The following ECE1 variants were observed in gnomAD, a reference collection of about 807,000 sequenced individuals.
The protein encoded by ECE1 is endothelin converting enzyme 1.
ECE1 carries 35 observed loss-of-function variants against 98.6 expected under a neutral mutation model. That is an observed-to-expected ratio of 0.35 (90% confidence interval 0.27 to 0.47). The LOEUF is 0.47. ECE1 is among the 20% of genes least tolerant of loss of function. ECE1 has a pLI of 1.00. For missense variants in ECE1, 814 were observed against 1,025.3 expected (o/e 0.79, Z 2.81); for synonymous variants, 394 against 407.1 (o/e 0.97, Z 0.39).
Position 21,322,681 on chromosome 1 carries a change from A to G in ECE1, c.3+22695T>C, listed in dbSNP as rs1638990564. Among the ~76,000 whole-genome samples, 1 of 152,176 alleles carries G rather than the reference A, an allele frequency of 6.6e-6. No homozygotes were observed. Among genetic ancestry groups the G allele is most frequent in the African/African-American group, 2.4e-5 (1 of 41,428 alleles). On this transcript the variant is annotated intron_variant, in intron 1 of 18. Coordinates refer to the ECE1 transcript ENST00000415912. The surrounding 1 kb of genome is among the most constrained non-coding windows in gnomAD (Gnocchi z 4.1). ...TAACCACCTAGCTGGGGAAAAGGAC[A>G]AGAAAACCCAGCGATGGAGAGGAGA... is the stretch of plus-strand genomic sequence containing the variant.
At chr1:21,326,147 C>T (rs2103407491) in intron 1 of ECE1, among the ~76,000 whole-genome samples, 1 of 152,218 alleles carries the variant, frequency 6.6e-6, no homozygotes, top group South Asian at 2.1e-4. Context: ...CCCACGTTCT[C>T]AGCCAACAAT....
chr1:21,220,238 G>A lies in ECE1; in HGVS notation c.2137-107C>T, dbSNP rs1456192691. 3.1e-6 allele frequency: 4 copies of A among 1,290,928 alleles called. No homozygotes were observed. Among genetic ancestry groups the A allele is most frequent in the South Asian group, 1.5e-5 (1 of 66,970 alleles). 80.0% of individuals were successfully genotyped at this position (1,290,928 alleles called of 1,614,324 possible). On this transcript the variant is annotated intron_variant, in intron 18 of 18. Transcript: ENST00000374893. The surrounding 1 kb of genome is among the most constrained non-coding windows in gnomAD (Gnocchi z 5.0). ...AGGCCAGGTGCGGTGGCTCACACCTGTAATCCCAGCACTTTGGGAGCCAAG... is the reference window on the plus strand; with the variant it reads ...AGGCCAGGTGCGGTGGCTCACACCTATAATCCCAGCACTTTGGGAGCCAAG...
At chr1:21,311,337 C>T (rs1237644742) in intron 1 of ECE1, among the ~76,000 whole-genome samples, 3 of 152,020 alleles carry the variant, frequency 2.0e-5, no homozygotes, top group Non-Finnish European at 4.4e-5. Context: ...GTAGGCGTGT[C>T]CCATGCACCA....
intron 5 of ECE1, among the ~76,000 whole-genome samples, chr1:21,259,351 T>G (rs567807738): frequency 1.2e-3 from 181 of 152,192 alleles, no homozygotes; most frequent in African/African-American, 4.0e-3. Context: ...CACTGCAGCC[T>G]CCACCTCCTG....
In ECE1 at chr1:21,236,756, GC is replaced by G. The variant is rs750369563; in HGVS notation, c.1477del (p.Ala493ProfsTer11). 1 of 1,613,866 alleles carries G rather than the reference GC, an allele frequency of 6.2e-7. No homozygotes were observed. The highest frequency in any genetic ancestry group is 8.5e-7 in the Non-Finnish European group (1 of 1,180,026). ...KWMDEETRKSAKEKADAIYNM... is the reference protein window; with the variant it reads ...KWMDEETRKSXKEKADAIYNM... ...CCTGGCCAGCCTCACCTTTTCCTTG[GC>G]TGATTTTCGGGTTTCCTCATCCATC... is the stretch of plus-strand genomic sequence containing the variant. On this transcript the variant is annotated frameshift_variant, in exon 12 of 19. Coordinates refer to ENST00000374893, the MANE Select transcript of ECE1 (RefSeq NM_001397.3). LOFTEE classifies it high-confidence loss of function.
Position 21,247,439 on chromosome 1 carries a change from C to T in ECE1, c.1021-76G>A, listed in dbSNP as rs1324737882. On this transcript the variant is annotated intron_variant, in intron 8 of 18. Coordinates refer to ENST00000374893, the MANE Select transcript of ECE1 (RefSeq NM_001397.3). ...CCCAGGGCTCTAGGACGGGCTTCTA[C>T]AGGAAGCAAAGGAAAGAGCTTGGGC... is the stretch of plus-strand genomic sequence containing the variant. The T allele has an allele frequency of 3.8e-6, 6 of 1,597,900 alleles. No homozygotes were observed. In the African/African-American group the frequency reaches 6.7e-5, roughly 18 times the overall value.
Position 21,238,116 on chromosome 1 carries a change from C to T in ECE1, c.1389+18G>A. The T allele has an allele frequency of 1.9e-6, 3 of 1,610,478 alleles. No homozygotes were observed. The highest frequency in any genetic ancestry group is 2.5e-6 in the Non-Finnish European group (3 of 1,176,722). On this transcript the variant is annotated intron_variant, in intron 11 of 18. Transcript: ENST00000374893. ...CAAGTGTGACCTCACAGCCTGTGTC[C>T]ACGGGGAAGGCACTTACTATGCTCT...
Position 21,247,694 on chromosome 1 carries a change from C to T in ECE1, c.1021-331G>A, listed in dbSNP as rs28367997. ...TGCATATGATTCCACCTGGTCCTCA[C>T]GCGAGTCCAAGCAGTAGGTACTATT... On this transcript the variant is annotated intron_variant, in intron 8 of 18. Transcript: ENST00000374893. 6.8e-3 allele frequency among the ~76,000 whole-genome samples: 1,033 copies of T among 152,262 alleles called. 11 individuals carry two copies. The highest frequency in any genetic ancestry group is 0.024 in the African/African-American group (987 of 41,532).
At chr1:21,289,813 G>A (rs1233818897) in intron 2 of ECE1, among the ~76,000 whole-genome samples, 3 of 152,110 alleles carry the variant, frequency 2.0e-5, no homozygotes, top group South Asian at 4.1e-4. Flanking sequence ...CTGCCACCTG[G>A]GCTGTGGCCC....
intron 1 of ECE1, among the ~76,000 whole-genome samples, chr1:21,320,067 A>G (rs895051437): frequency 6.6e-6 from 1 of 152,256 alleles, no homozygotes; most frequent in Non-Finnish European, 1.5e-5. Flanking sequence ...TGTTTTAAGA[A>G]AGTTTATGAA....
chr1:21,318,082 A>G (rs1430213031), intron 1 of ECE1, among the ~76,000 whole-genome samples: 1 of 152,234 alleles, frequency 6.6e-6, no homozygotes, highest in Non-Finnish European at 1.5e-5. Flanking sequence ...TGTGACGGTT[A>G]AACGATTCTT....
At chr1:21,311,509 C>CAAAAA (rs397979522) in intron 1 of ECE1, among the ~76,000 whole-genome samples, 6 of 74,286 alleles carry the variant, frequency 8.1e-5, no homozygotes, top group South Asian at 4.1e-4. Context: ...CCTGTCTCCA[C>CAAAAA]AAAAAAAAAA....
intron 10 of ECE1, among the ~76,000 whole-genome samples, chr1:21,242,328 A>G (rs1444887066): frequency 6.6e-6 from 1 of 152,182 alleles, no homozygotes; most frequent in Non-Finnish European, 1.5e-5. Flanking sequence ...GAACAAACGC[A>G]CACACCACAC....
rs555497717 is a variant in ECE1, at chr1:21,342,021, C to T, written c.3+3355G>A. On this transcript the variant is annotated intron_variant, in intron 1 of 18. Coordinates refer to the ECE1 transcript ENST00000415912. ...TCTGGAGAAGTGGAGCAAATCTGCC[C>T]CACTTTGTAGGAAAGGGGGCACAGA... Among the ~76,000 whole-genome samples the T allele has an allele frequency of 9.2e-5, 14 of 152,186 alleles. No individual in the cohort carries two copies. In the East Asian group the frequency reaches 1.9e-3, roughly 21 times the overall value.
Position 21,280,931 on chromosome 1 carries a change from G to A in ECE1, c.139-1599C>T, listed in dbSNP as rs77531714. ...GGGCCGGGCACGGCGGCTCATGCCTGTAGTCCCAACAGTTTAAAAGGCTGA... is the reference window on the plus strand; with the variant it reads ...GGGCCGGGCACGGCGGCTCATGCCTATAGTCCCAACAGTTTAAAAGGCTGA... On this transcript the variant is annotated intron_variant, in intron 2 of 18. Coordinates refer to ENST00000374893, the MANE Select transcript of ECE1 (RefSeq NM_001397.3). Among the ~76,000 whole-genome samples the A allele has an allele frequency of 4.8e-3, 724 of 152,312 alleles. 6 individuals carry two copies. Among genetic ancestry groups the A allele is most frequent in the South Asian group, 0.028 (134 of 4,832 alleles).
At chr1:21,241,024 C>T (rs975820878) in intron 10 of ECE1, among the ~76,000 whole-genome samples, 1 of 152,196 alleles carries the variant, frequency 6.6e-6, no homozygotes, top group Non-Finnish European at 1.5e-5. Flanking sequence ...AACTGAAATG[C>T]CCAGAACATC....
chr1:21,247,465 T>A, intron 8 of ECE1, 102 bp from the exon 9 acceptor site: 2 of 1,576,216 alleles, frequency 1.3e-6, no homozygotes, highest in South Asian at 2.2e-5. Context: ...GAGCTTGGGC[T>A]TGGCGCCATC....
At chr1:21,263,307 G>A (rs2098229426) in intron 4 of ECE1, among the ~76,000 whole-genome samples, 1 of 152,268 alleles carries the variant, frequency 6.6e-6, no homozygotes, top group South Asian at 2.1e-4. Context: ...ACATCTGGAA[G>A]ATGAGAGGGT....
intron 2 of ECE1, among the ~76,000 whole-genome samples, chr1:21,284,732 G>A (rs531224608): frequency 2.0e-5 from 3 of 152,228 alleles, no homozygotes; most frequent in Non-Finnish European, 2.9e-5. Context: ...GAGACAAGCC[G>A]GGAGCAGAAA....
Sources: allele counts gnomAD v4.1 joint callset (sites outside exome capture counted in the v4.1 genomes callset), GRCh38; gene constraint gnomAD v4.1.1; non-coding constraint Gnocchi (gnomAD v3.1); transcripts MANE v1.5; gene names NCBI Gene and HGNC (gene_info 2026-07-23, HGNC 2026-07-21).